CYSLTR1: variants seen among roughly 807,000 people sequenced by gnomAD.
CYSLTR1 encodes G-protein coupled receptor HG55.
In CYSLTR1, 1 loss-of-function variant was observed where a neutral mutation model predicts 2.1. The ratio of observed to expected loss-of-function variants is 0.48; its 90% confidence interval spans 0.17 to 2.28. CYSLTR1 has a LOEUF of 2.28. Among genes scored for constraint, CYSLTR1 ranks in the 30% most tolerant of loss-of-function variants. CYSLTR1 has a pLI of 0.26. For synonymous variants in CYSLTR1, 110 were observed against 89.6 expected (o/e 1.23, Z -1.28); for missense variants, 299 against 250.1 (o/e 1.20, Z -1.32).
At chrX:78,286,570 A>G (rs1260745692) in intron 1 of CYSLTR1, among the ~76,000 whole-genome samples, 1 of 110,003 alleles carries the variant, frequency 9.1e-6, no homozygotes, top group Non-Finnish European at 1.9e-5. Flanking sequence ...ATATGTATAC[A>G]TGTGCTATGC....
At chrX:78,297,216 C>G (rs1328190040) in intron 1 of CYSLTR1, among the ~76,000 whole-genome samples, 1 of 111,692 alleles carries the variant, frequency 9.0e-6, no homozygotes, top group African/African-American at 3.2e-5. Context: ...ACATGTTGAA[C>G]CATGAATTCC....
chrX:78,307,151 T>G (rs957916902), intron 1 of CYSLTR1, among the ~76,000 whole-genome samples: 1 of 111,977 alleles, frequency 8.9e-6, no homozygotes, highest in Admixed American at 9.4e-5. Context: ...TTCTCATGGT[T>G]TCTGTGGGTT....
At chrX:78,303,363 CA>C (rs1922898789) in intron 1 of CYSLTR1, among the ~76,000 whole-genome samples, 1 of 110,681 alleles carries the variant, frequency 9.0e-6, no homozygotes. Context: ...TTCAGCATTA[CA>C]AAGTTAAAAT....
intron 1 of CYSLTR1, among the ~76,000 whole-genome samples, chrX:78,303,831 T>A (rs1922924222): frequency 8.9e-6 from 1 of 111,789 alleles, no homozygotes; most frequent in South Asian, 3.7e-4. Context: ...AATCACTTCT[T>A]TTTTTATGAT....
chrX:78,273,944 G>A (rs1048831326), intron 2 of CYSLTR1, among the ~76,000 whole-genome samples, 171 bp from the exon 3 acceptor site: 1 of 110,882 alleles, frequency 9.0e-6, no homozygotes, highest in African/African-American at 3.3e-5. Context: ...AGAAGAGTCC[G>A]TATCCTACAG....
At chrX:78,293,624 G>A (rs769593586) in intron 1 of CYSLTR1, among the ~76,000 whole-genome samples, 1 of 111,908 alleles carries the variant, frequency 8.9e-6, no homozygotes, top group East Asian at 2.8e-4. Context: ...CCAATCAGAC[G>A]TAGATTTGGC....
At chrX:78,298,053 T>C (rs1049507290) in intron 1 of CYSLTR1, among the ~76,000 whole-genome samples, 2 of 111,251 alleles carry the variant, frequency 1.8e-5, no homozygotes, top group African/African-American at 6.5e-5. Flanking sequence ...CTATATCCCA[T>C]AGGTTTTGGT....
intron 1 of CYSLTR1, among the ~76,000 whole-genome samples, chrX:78,295,859 T>C (rs1922552940): frequency 9.0e-6 from 1 of 111,712 alleles, no homozygotes; most frequent in African/African-American, 3.3e-5. Flanking sequence ...CTGTTCACTT[T>C]GTTGATTGTT....
At chrX:78,296,077 T>C (rs1322398271) in intron 1 of CYSLTR1, among the ~76,000 whole-genome samples, 3 of 111,709 alleles carry the variant, frequency 2.7e-5, no homozygotes, top group Non-Finnish European at 3.8e-5. Flanking sequence ...TTTTTGTATA[T>C]GGTAAGAGAT....
At position 78,278,375 on chromosome X, in the gene CYSLTR1, A is replaced by G. The variant is rs973707721; in HGVS notation, c.-27-4602T>C. ...GAACACAAGCCCATTCACAATAGCC[A>G]CAACAAGAGTAAAATTCTTAGGAAT... On this transcript the variant is annotated intron_variant, in intron 2 of 2. Coordinates refer to ENST00000373304, the MANE Select transcript of CYSLTR1 (RefSeq NM_006639.4). Among the ~76,000 whole-genome samples the G allele has an allele frequency of 4.5e-5, 5 of 112,103 alleles. No individual in the cohort carries two copies. The Admixed American group carries it at 4.8e-4, about 11-fold the overall frequency.
chrX:78,304,741 TTAAG>T (rs1192469388), intron 1 of CYSLTR1, among the ~76,000 whole-genome samples: 2 of 111,196 alleles, frequency 1.8e-5, no homozygotes. Flanking sequence ...CCCATTTAGA[TTAAG>T]TAAATTTACT....
At chrX:78,288,028 G>C (rs1164492611) in intron 1 of CYSLTR1, among the ~76,000 whole-genome samples, 1 of 106,948 alleles carries the variant, frequency 9.4e-6, no homozygotes, top group African/African-American at 3.4e-5. Context: ...AAAAAACAAA[G>C]AACAAAAAAA....
intron 1 of CYSLTR1, among the ~76,000 whole-genome samples, chrX:78,298,906 G>A (rs1437149447): frequency 3.6e-5 from 4 of 110,719 alleles, no homozygotes; most frequent in African/African-American, 9.8e-5. Context: ...AGATAATCCT[G>A]TCATCTTGTT....
intron 1 of CYSLTR1, among the ~76,000 whole-genome samples, chrX:78,302,324 G>A (rs1922853648): frequency 8.9e-6 from 1 of 112,021 alleles, no homozygotes; most frequent in Non-Finnish European, 1.9e-5. Context: ...CTCCCCTCTG[G>A]CCCAGGGAAG....
chrX:78,285,417 G>A (rs1258360281), intron 1 of CYSLTR1, among the ~76,000 whole-genome samples: 13 of 55,156 alleles, frequency 2.4e-4, no homozygotes, highest in African/African-American at 9.3e-4. Context: ...GCGAGACTCC[G>A]TCTCAAAAAA....
intron 2 of CYSLTR1, among the ~76,000 whole-genome samples, chrX:78,278,124 T>C (rs1286248233): frequency 7.1e-5 from 8 of 111,912 alleles, no homozygotes; most frequent in African/African-American, 2.6e-4. Flanking sequence ...AAGAATTTCA[T>C]AGTACAAATG....
At position 78,273,552 on chromosome X, in the gene CYSLTR1, T is replaced by C; in HGVS notation, c.195A>G (p.Leu65=). 8.3e-7 allele frequency: 1 copy of C among 1,211,788 alleles called. No homozygotes were observed. The highest frequency in any genetic ancestry group is 1.1e-6 in the Non-Finnish European group (1 of 895,494). ...KSAFQVYMIN[L]AVADLLCVCT... ...ACACACAAAGTAGATCTGCTACTGC[T>C]AAATTAATCATGTATACTTGGAAGG... Residue 65 remains leucine (L), a synonymous_variant, in exon 3 of 3, where the codon TTA becomes TTG. Transcript: ENST00000373304.
Position 78,271,474 on chromosome X carries a change from CT to C in CYSLTR1, c.*1258del, listed in dbSNP as rs1921252148. 2.2e-5 allele frequency: 1 copy of C among 45,958 alleles called. No individual in the cohort carries two copies. Among genetic ancestry groups the C allele is most frequent in the Admixed American group, 2.0e-4 (1 of 4,972 alleles). The allele number at this position is 45,958 out of a possible 1,213,427, so 3.8% of individuals were successfully genotyped here. On this transcript the variant is annotated 3_prime_UTR_variant, in exon 3 of 3. Transcript: ENST00000373304. Reference sequence around the variant, plus strand: ...AAATTTTCCCAAAGCTTTCTTTTTTCTTTATAGTTATTTATTTCTTCTGAGG... The same window carrying C: ...AAATTTTCCCAAAGCTTTCTTTTTTCTTATAGTTATTTATTTCTTCTGAGG...
intron 1 of CYSLTR1, among the ~76,000 whole-genome samples, chrX:78,310,899 C>CGT (rs745711576): frequency 8.4e-5 from 9 of 106,628 alleles, no homozygotes; most frequent in South Asian, 4.0e-4. Context: ...GGTGTGTGGG[C>CGT]GTGTGTGTGT....
Sources: allele counts gnomAD v4.1 joint callset (sites outside exome capture counted in the v4.1 genomes callset), GRCh38; gene constraint gnomAD v4.1.1; transcripts MANE v1.5; gene names NCBI Gene and HGNC (gene_info 2026-07-23, HGNC 2026-07-21).